The following VRTN variants were observed in gnomAD, a reference collection of about 807,000 sequenced individuals.
VRTN encodes the protein vertebrae development associated.
A neutral mutation model predicts 18.2 loss-of-function variants in VRTN; 5 were observed. The ratio of observed to expected loss-of-function variants is 0.27; its 90% CI spans 0.14 to 0.58. The LOEUF is 0.58. VRTN is among the 20% of genes least tolerant of loss of function. The probability of loss-of-function intolerance (pLI) is 0.91; values close to 1 mark genes in which losing one functional copy is unlikely to be tolerated. For synonymous variants in VRTN, 381 were observed against 393.7 expected, an observed-to-expected ratio of 0.97 and a Z score of 0.38; for missense variants, 741 against 939.4, an observed-to-expected ratio of 0.79 and a Z score of 2.76.
chr14:74,354,624 C>T (rs923209943), intron 1 of VRTN, among the ~76,000 whole-genome samples: 54 of 151,818 alleles, frequency 3.6e-4, no homozygotes, highest in African/African-American at 1.2e-3. Flanking sequence ...AGGATGGTCT[C>T]GATCTCCTGA....
chr14:74,322,152 ATT>A (rs532973803), intron 1 of VRTN, among the ~76,000 whole-genome samples: 2 of 143,626 alleles, frequency 1.4e-5, no homozygotes, highest in African/African-American at 2.5e-5. Flanking sequence ...GGCTCCCCAT[ATT>A]TTTTTTTTTT....
chr14:74,347,334 G>A (rs2085649891), upstream of VRTN, among the ~76,000 whole-genome samples: 2 of 152,198 alleles, frequency 1.3e-5, no homozygotes, highest in Non-Finnish European at 2.9e-5. Flanking sequence ...CTGGTGGGTG[G>A]GGCGGGTGTG....
At chr14:74,318,380 C>T (rs975692817) in intron 1 of VRTN, among the ~76,000 whole-genome samples, 1 of 152,126 alleles carries the variant, frequency 6.6e-6, no homozygotes, top group African/African-American at 2.4e-5. Flanking sequence ...AAGTGATTCT[C>T]CTGCCTCAGC....
chr14:74,357,404 G>A lies in VRTN; in HGVS notation c.621G>A (p.Arg207=). The A allele has an allele frequency of 6.2e-7, 1 of 1,612,756 alleles. No individual in the cohort carries two copies. Among genetic ancestry groups the A allele is most frequent in the Non-Finnish European group, 8.5e-7 (1 of 1,179,976 alleles). ...GGCCCTACTTCAACCGTGTCATCCG[G>A]CCCCGCCGCTGCGACCACGTGCCCT... ...KIRPYFNRVI[R]PRRCDHVPST... Residue 207 remains arginine, a synonymous_variant, in exon 2 of 2, where the codon CGG becomes CGA. Transcript: ENST00000256362. This position sits in a 1 kb window ranked among gnomAD's most constrained non-coding sequence, Gnocchi z 7.8.
At chr14:74,343,189 C>A (rs868828061) in intron 2 of VRTN, among the ~76,000 whole-genome samples, 22 of 151,830 alleles carry the variant, frequency 1.4e-4, no homozygotes, top group African/African-American at 4.6e-4. Flanking sequence ...TGCAGTGCTG[C>A]GACCTTGGCT....
chr14:74,322,152 A>AT (rs532973803), intron 1 of VRTN, among the ~76,000 whole-genome samples: 24,476 of 143,540 alleles, frequency 0.17, 2,464 homozygotes, highest in African/African-American at 0.27. Context: ...GGCTCCCCAT[A>AT]TTTTTTTTTT....
At chr14:74,306,173 T>TATATATATATATATGTATG (rs1491480014) in intron 1 of VRTN, 55 of 48,034 alleles carry the variant, frequency 1.1e-3, no homozygotes, top group African/African-American at 5.4e-3. Context: ...TATATATATA[T>TATATATATATATATGTATG]TTTTTTTTTT....
At chr14:74,337,597 G>A (rs915326815) in intron 1 of VRTN, 10 of 152,120 alleles carry the variant, frequency 6.6e-5, no homozygotes, top group East Asian at 1.9e-4. Context: ...CAACAAACTC[G>A]GAGGGGAAGG....
chr14:74,351,691 G>T (rs988179869), intron 1 of VRTN, among the ~76,000 whole-genome samples: 1 of 151,528 alleles, frequency 6.6e-6, no homozygotes, highest in Non-Finnish European at 1.5e-5. Context: ...TGTTGTCCAG[G>T]CTGGTCTCTA....
chr14:74,359,034 TA>T lies in VRTN; in HGVS notation c.*143del. 7.2e-7 allele frequency: 1 copy of T among 1,393,386 alleles called. No individual in the cohort carries two copies. 86.3% of individuals were successfully genotyped at this position (1,393,386 alleles called of 1,614,324 possible). Reference sequence around the variant, plus strand: ...CCTAAGTCCAAGGGTATATTTGTGTTATTTTCTGGCTCCAGGACAGAGAATG... The same window carrying T: ...CCTAAGTCCAAGGGTATATTTGTGTTTTTTCTGGCTCCAGGACAGAGAATG... On this transcript the variant is annotated 3_prime_UTR_variant, in exon 2 of 2. Coordinates refer to ENST00000256362, the MANE Select transcript of VRTN (RefSeq NM_018228.3).
At chr14:74,316,221 A>G (rs1337845036) in intron 1 of VRTN, among the ~76,000 whole-genome samples, 1 of 152,054 alleles carries the variant, frequency 6.6e-6, no homozygotes, top group Non-Finnish European at 1.5e-5. Flanking sequence ...AGGAGGTTTT[A>G]AAGAACCTAA....
upstream of VRTN, among the ~76,000 whole-genome samples, chr14:74,346,097 T>C (rs565301056): frequency 6.6e-6 from 1 of 151,896 alleles, no homozygotes; most frequent in African/African-American, 2.4e-5. Flanking sequence ...GCCCAGGAGT[T>C]TGAGACCAGT....
chr14:74,343,624 C>T (rs1037894133), upstream of VRTN, among the ~76,000 whole-genome samples: 5 of 152,150 alleles, frequency 3.3e-5, no homozygotes, highest in African/African-American at 9.7e-5. Context: ...CCATAAATCA[C>T]GCCCATGCAT....
At chr14:74,330,499 T>C (rs2085514613) in intron 1 of VRTN, among the ~76,000 whole-genome samples, 1 of 149,252 alleles carries the variant, frequency 6.7e-6, no homozygotes, top group Non-Finnish European at 1.5e-5. Flanking sequence ...TGGAGTGCAA[T>C]GGTGCGATCT....
At chr14:74,356,124 G>A (rs146216663) in intron 1 of VRTN, among the ~76,000 whole-genome samples, 97 of 152,066 alleles carry the variant, frequency 6.4e-4, no homozygotes, top group African/African-American at 1.9e-3. Context: ...GAGCCACCAC[G>A]CCCAGCCAAC....
chr14:74,339,648 T>C (rs1424471723), intron 2 of VRTN, among the ~76,000 whole-genome samples: 3 of 152,048 alleles, frequency 2.0e-5, no homozygotes, highest in East Asian at 3.9e-4. Context: ...GCACCATCTC[T>C]ACTAATAAGA....
At chr14:74,303,342 G>C (rs531673274) in intron 1 of VRTN, among the ~76,000 whole-genome samples, 1 of 152,310 alleles carries the variant, frequency 6.6e-6, no homozygotes, top group South Asian at 2.1e-4. Flanking sequence ...CTTGAGCCCA[G>C]GAATTCAAGA....
At chr14:74,337,504 A>G (rs2085573134) in intron 1 of VRTN, among the ~76,000 whole-genome samples, 1 of 151,904 alleles carries the variant, frequency 6.6e-6, no homozygotes, top group South Asian at 2.1e-4. Context: ...TGAGAGGAAG[A>G]GCAGGGTGAT....
upstream of VRTN, among the ~76,000 whole-genome samples, chr14:74,348,182 C>T (rs1201731229): frequency 6.6e-6 from 1 of 152,148 alleles, no homozygotes; most frequent in African/African-American, 2.4e-5. Flanking sequence ...GACTTTCTTC[C>T]CCTAGGTCTT....
Sources: gnomAD v4.1 joint callset for allele counts (sites outside exome capture counted in the v4.1 genomes callset) on GRCh38, gnomAD v4.1.1 for gene constraint, Gnocchi (gnomAD v3.1) non-coding constraint, MANE v1.5 for transcripts, NCBI Gene and HGNC (gene_info 2026-07-23, HGNC 2026-07-21) for gene names.